The following RNF166 variants were observed in gnomAD, a reference collection of about 807,000 sequenced individuals.
The protein encoded by RNF166 is E3 ubiquitin-protein ligase RNF166.
RNF166 carries 19 observed loss-of-function variants against 29.4 expected under a neutral mutation model. The observed-to-expected ratio is 0.65, with a 90% CI of 0.45 to 0.95. The LOEUF (loss-of-function observed/expected upper bound fraction) is 0.95, where lower values mean the gene tolerates loss of function less well. Ranked by LOEUF, RNF166 falls within the 40% of genes least tolerant of loss-of-function variation. The pLI, the probability that RNF166 is intolerant of heterozygous loss-of-function variation, is 0.00. For missense variants in RNF166, 347 were observed against 322.1 expected, an observed-to-expected ratio of 1.08 and a Z score of -0.59; for synonymous variants, 171 against 134.5, an observed-to-expected ratio of 1.27 and a Z score of -1.88.
Position 88,696,920 on chromosome 16 carries a change from C to T in RNF166, c.*648G>A. ...CAGCTGCCCCACTGCTCCTTCCATC[C>T]TTGCCCCAATCCCCCAATGCTTGTT... On this transcript the variant is annotated 3_prime_UTR_variant, in exon 6 of 6. Coordinates refer to ENST00000312838, the MANE Select transcript of RNF166 (RefSeq NM_178841.4). The T allele has an allele frequency of 4.6e-6, 1 of 218,316 alleles. No homozygotes were observed. The highest frequency in any genetic ancestry group is 9.4e-6 in the Non-Finnish European group (1 of 106,714). The allele number at this position is 218,316 out of a possible 1,614,324, so 13.5% of individuals were successfully genotyped here.
intron 1 of RNF166, chr16:88,704,173 C>T: frequency 2.0e-6 from 2 of 985,452 alleles, no homozygotes; most frequent in Middle Eastern, 5.2e-4. Flanking sequence ...ACCAGACCAG[C>T]AACAAACTTC....
intron 3 of RNF166, 124 bp from the exon 4 acceptor site, chr16:88,699,209 G>T (rs1909954309): frequency 1.3e-6 from 1 of 741,900 alleles, no homozygotes; most frequent in African/African-American, 1.7e-5. Context: ...CGTGGCAGTG[G>T]CTGGGTGCCC....
chr16:88,704,591 C>G, intron 1 of RNF166: 1 of 984,694 alleles, frequency 1.0e-6, no homozygotes, highest in South Asian at 4.7e-5. Flanking sequence ...CACCCAAAGC[C>G]TACGGGAGGC....
chr16:88,700,765 A>C, intron 2 of RNF166: 1 of 998,326 alleles, frequency 1.0e-6, no homozygotes, highest in Non-Finnish European at 1.2e-6. Context: ...GAGGCCCATG[A>C]CAAGCTGCAG....
intron 2 of RNF166, 139 bp from the exon 3 acceptor site, chr16:88,699,871 C>G (rs1210689157): frequency 1.7e-6 from 1 of 588,416 alleles, no homozygotes; most frequent in African/African-American, 1.9e-5. Flanking sequence ...GACCCGGTCC[C>G]TTCTGCTGCT....
intron 4 of RNF166, 138 bp downstream of exon 4, chr16:88,698,833 C>T: frequency 1.4e-6 from 1 of 738,932 alleles, no homozygotes; most frequent in East Asian, 2.7e-5. Flanking sequence ...CTCGGGCAGC[C>T]AAGTTCCCAC....
chr16:88,697,066 GAA>G lies in RNF166; in HGVS notation c.*500_*501del, dbSNP rs1909702234. On this transcript the variant is annotated 3_prime_UTR_variant, in exon 6 of 6. Transcript: ENST00000312838. Reference sequence around the variant, plus strand: ...GCTCTGTCTTTGCTCTATAAAACGTGAAAAGATTATCACACTGGATAATATAG... The same window carrying G: ...GCTCTGTCTTTGCTCTATAAAACGTGAAGATTATCACACTGGATAATATAG... 1.2e-5 allele frequency: 2 copies of G among 172,012 alleles called. No homozygotes were observed. Among genetic ancestry groups the G allele is most frequent in the Non-Finnish European group, 2.5e-5 (2 of 80,328 alleles). The allele number at this position is 172,012 out of a possible 1,614,324, so 10.7% of individuals were successfully genotyped here.
rs1157736153 is a variant in RNF166 at position 88,706,370 on chromosome 16, G to T, written c.-45C>A. The T allele has an allele frequency of 3.3e-6, 4 of 1,216,646 alleles. No individual in the cohort carries two copies. Among genetic ancestry groups the T allele is most frequent in the Non-Finnish European group, 3.1e-6 (3 of 976,218 alleles). The allele number at this position is 1,216,646 out of a possible 1,614,324, so 75.4% of individuals were successfully genotyped here. ...CGCCCGCCGCCCGCTGTCCTGGCCCGGGCCGGCCCGCTAGTCACAGCCGCT... is the reference window on the plus strand; with the variant it reads ...CGCCCGCCGCCCGCTGTCCTGGCCCTGGCCGGCCCGCTAGTCACAGCCGCT... On this transcript the variant is annotated 5_prime_UTR_variant, in exon 1 of 6. Coordinates refer to ENST00000312838, the MANE Select transcript of RNF166 (RefSeq NM_178841.4).
In RNF166 at chr16:88,696,770, T is replaced by C. The variant is rs1909675860; in HGVS notation, c.*798A>G. The C allele has an allele frequency of 2.7e-6, 1 of 376,450 alleles. No homozygotes were observed. The allele number at this position is 376,450 out of a possible 1,614,324, so 23.3% of individuals were successfully genotyped here. A position where few individuals can be genotyped will look rare whatever the true frequency, so the allele number is the denominator to read the frequency against. ...CTCTGCTGGGAGCAGCCACAGCCTG[T>C]GGCTGGGGTGCTGGGATTTCTTCCT... On this transcript the variant is annotated 3_prime_UTR_variant, in exon 6 of 6. Transcript: ENST00000312838.
intron 1 of RNF166, among the ~76,000 whole-genome samples, chr16:88,705,950 C>T (rs1331054809): frequency 6.6e-6 from 1 of 152,076 alleles, no homozygotes; most frequent in African/African-American, 2.4e-5. Context: ...GGACCGGGCG[C>T]CTGCGGCTGG....
chr16:88,703,147 G>A (rs995818348), intron 1 of RNF166: 1 of 985,450 alleles, frequency 1.0e-6, no homozygotes, highest in Non-Finnish European at 1.2e-6. Context: ...TCAACGTCCA[G>A]CAGAGAGAAA....
At position 88,701,250 on chromosome 16, in the gene RNF166, G is replaced by A. The variant is rs1910196494; in HGVS notation, c.312+12C>T. On this transcript the variant is annotated intron_variant, in intron 2 of 5. Coordinates refer to ENST00000312838, the MANE Select transcript of RNF166 (RefSeq NM_178841.4). ...TGACCCCGGCTCCAGGGCGGCCCAA[G>A]CAGGCGGGTACCTTTTTGTTGCAGC... 2 of 1,613,442 alleles carry A rather than the reference G, an allele frequency of 1.2e-6. No individual in the cohort carries two copies. Among genetic ancestry groups the A allele is most frequent in the Non-Finnish European group, 1.7e-6 (2 of 1,179,888 alleles).
At chr16:88,698,866 T>A in intron 4 of RNF166, 105 bp downstream of exon 4, 1 of 908,122 alleles carries the variant, frequency 1.1e-6, no homozygotes, top group East Asian at 2.7e-5. Flanking sequence ...GAGGCCTTTG[T>A]GGCCTGGGCA....
intron 1 of RNF166, chr16:88,703,633 C>A (rs1398515008): frequency 4.1e-6 from 4 of 985,542 alleles, no homozygotes; most frequent in Non-Finnish European, 4.8e-6. Flanking sequence ...CCGCTTCCCC[C>A]ACAGGAAGTT....
chr16:88,703,954 G>C, intron 1 of RNF166: 1 of 985,484 alleles, frequency 1.0e-6, no homozygotes, highest in Non-Finnish European at 1.2e-6. Flanking sequence ...GTGATCACGC[G>C]TGTCCTGGCC....
intron 2 of RNF166, 21 bp downstream of exon 2, chr16:88,701,241 G>A (rs1206164645): frequency 1.2e-6 from 2 of 1,613,300 alleles, no homozygotes; most frequent in African/African-American, 1.3e-5. Flanking sequence ...CGGCTCCAGG[G>A]CGGCCCAAGC....
rs761096828 is a variant in RNF166 at position 88,696,556 on chromosome 16, A to T, written c.*1012T>A. 2.2e-6 allele frequency: 1 copy of T among 445,016 alleles called. No homozygotes were observed. Among genetic ancestry groups the T allele is most frequent in the African/African-American group, 2.0e-5 (1 of 49,130 alleles). 27.6% of individuals were successfully genotyped at this position (445,016 alleles called of 1,614,324 possible). A position where few individuals can be genotyped will look rare whatever the true frequency, so the allele number is the denominator to read the frequency against. On this transcript the variant is annotated 3_prime_UTR_variant, in exon 6 of 6. Coordinates refer to ENST00000312838, the MANE Select transcript of RNF166 (RefSeq NM_178841.4). ...TTTTAAAAAAAAGACAGCAATAATT[A>T]ATGCCAAGAACAGAAAAGAATGTTG...
chr16:88,705,698 T>C (rs561533271), intron 1 of RNF166, among the ~76,000 whole-genome samples: 1 of 152,220 alleles, frequency 6.6e-6, no homozygotes, highest in Non-Finnish European at 1.5e-5. Context: ...CTCTAAACTT[T>C]AGGGAACTCC....
intron 5 of RNF166, 199 bp downstream of exon 5, chr16:88,698,302 TG>T: frequency 1.4e-6 from 1 of 703,534 alleles, no homozygotes; most frequent in Non-Finnish European, 2.6e-6. Context: ...CACCCTCTAG[TG>T]GCCACTCAAA....
Sources: gnomAD v4.1 joint callset for allele counts (sites outside exome capture counted in the v4.1 genomes callset) on GRCh38, gnomAD v4.1.1 for gene constraint, MANE v1.5 for transcripts, NCBI Gene and HGNC (gene_info 2026-07-23, HGNC 2026-07-21) for gene names.